The following UTP20 variants were observed in gnomAD, a reference collection of about 807,000 sequenced individuals.
The protein encoded by UTP20 is small subunit processome component 20 homolog.
A neutral mutation model predicts 329.5 loss-of-function variants in UTP20; 164 were observed. That is an observed-to-expected ratio of 0.50 (90% CI 0.44 to 0.57). The LOEUF is 0.57. Among genes scored for constraint, UTP20 ranks in the 20% least tolerant of loss-of-function variants. The pLI, the probability that UTP20 is intolerant of heterozygous loss-of-function variation, is 0.00. For synonymous variants in UTP20, 1,151 were observed against 1,159.3 expected (o/e 0.99, Z 0.14); for missense variants, 3,055 against 3,284.2 (o/e 0.93, Z 1.71).
At chr12:101,385,528 T>A in intron 60 of UTP20, 55 bp from the exon 61 acceptor site, 1 of 1,563,044 alleles carries the variant, frequency 6.4e-7, no homozygotes, top group Non-Finnish European at 8.6e-7. Flanking sequence ...TTTGTTGATG[T>A]TCAAATGTGT....
intron 26 of UTP20, among the ~76,000 whole-genome samples, chr12:101,327,601 T>G (rs1403302582): frequency 3.3e-5 from 5 of 152,240 alleles, no homozygotes; most frequent in African/African-American, 9.6e-5. Context: ...CTTAATTGTT[T>G]GGCATTTATT....
intron 12 of UTP20, among the ~76,000 whole-genome samples, chr12:101,298,743 TGTG>T (rs1051080337): frequency 6.6e-6 from 1 of 152,228 alleles, no homozygotes; most frequent in Non-Finnish European, 1.5e-5. Context: ...TATATCAAGA[TGTG>T]GTGACTTTAA....
chr12:101,372,787 T>C (rs1870336480), intron 51 of UTP20, 97 bp from the exon 52 acceptor site: 1 of 972,334 alleles, frequency 1.0e-6, no homozygotes, highest in East Asian at 2.5e-5. Flanking sequence ...TTCTGTAAAG[T>C]TTTTATAACC....
At position 101,285,772 on chromosome 12, in the gene UTP20, G is replaced by T. The variant is rs775873004; in HGVS notation, c.217G>T (p.Asp73Tyr). ...HFGKFYKEVI[D>Y]KCQSFNQLVY... ...AGGAAAATTTTACAAAGAAGTTATT[G>T]ACAAATGCCAATCATTCAATCAGTT... The change falls in exon 4 of 62, where the codon GAC becomes TAC. Residue 73 changes from aspartate to tyrosine, a missense_variant. By Grantham distance (160) the Asp-to-Tyr change is radical. Transcript: ENST00000261637. 6.2e-7 allele frequency: 1 copy of T among 1,613,356 alleles called. No homozygotes were observed. The highest frequency in any genetic ancestry group is 8.5e-7 in the Non-Finnish European group (1 of 1,179,800).
chr12:101,333,141 A>G lies in UTP20; in HGVS notation c.3418-160A>G, dbSNP rs545321245. Among the ~76,000 whole-genome samples, 11 of 152,374 alleles carry G rather than the reference A, an allele frequency of 7.2e-5. No homozygotes were observed. The East Asian group carries it at 1.9e-3, about 27-fold the overall frequency. On this transcript the variant is annotated intron_variant, in intron 27 of 61. Coordinates refer to ENST00000261637, the MANE Select transcript of UTP20 (RefSeq NM_014503.3). ...TCTTGTTCAATGAGAAAAGTAAGAC[A>G]GTTTGCTTGGTTGGTGTTCCCATGT...
In UTP20 at chr12:101,312,089, T is replaced by G; in HGVS notation, c.2365T>G (p.Trp789Gly). Residue 789 changes from tryptophan (W) to glycine (G), a missense_variant, in exon 21 of 62, where the codon TGG becomes GGG. Around this residue, in one of 3 missense-constraint regions of UTP20, gnomAD observed 2,445 missense variants for 2,575.5 expected, o/e 0.95. Coordinates refer to ENST00000261637, the MANE Select transcript of UTP20 (RefSeq NM_014503.3). ...TDEKSVGDES[W>G]EQTQEGDVGA... ...TGAGAAGTCCGTTGGAGATGAAAGT[T>G]GGGAGCAGACCCAGGAAGGAGATGT... 1 of 1,614,236 alleles carries G rather than the reference T, an allele frequency of 6.2e-7. No homozygotes were observed. The highest frequency in any genetic ancestry group is 8.5e-7 in the Non-Finnish European group (1 of 1,180,046).
intron 56 of UTP20, among the ~76,000 whole-genome samples, chr12:101,376,006 T>C (rs1870459411): frequency 6.6e-6 from 1 of 152,344 alleles, no homozygotes; most frequent in Non-Finnish European, 1.5e-5. Context: ...TAATTTCAGA[T>C]ATGTATCTCT....
At position 101,383,224 on chromosome 12, in the gene UTP20, G is replaced by C. The variant is rs148427016; in HGVS notation, c.7840G>C (p.Gly2614Arg). 1 of 1,614,032 alleles carries C rather than the reference G, an allele frequency of 6.2e-7. No homozygotes were observed. Among genetic ancestry groups the C allele is most frequent in the African/African-American group, 1.3e-5 (1 of 74,906 alleles). Reference protein sequence around the residue: ...EEKEEVKEELGRPATLLWLIQ... With the variant: ...EEKEEVKEELRRPATLLWLIQ... ...GAAGGAAGAGGTGAAGGAAGAGCTC[G>C]GCAGGCCGGCCACGCTGCTGTGGTT... The change falls in exon 59 of 62, where the codon GGC becomes CGC. Residue 2614 changes from glycine (G) to arginine (R), a missense_variant. By Grantham distance (125) the Gly-to-Arg change is moderately radical (BLOSUM62 -2). Coordinates refer to ENST00000261637, the MANE Select transcript of UTP20 (RefSeq NM_014503.3).
At chr12:101,334,598 C>A in intron 29 of UTP20, 94 bp downstream of exon 29, 1 of 1,038,198 alleles carries the variant, frequency 9.6e-7, no homozygotes, top group Non-Finnish European at 1.4e-6. Context: ...AATTTATGGT[C>A]TTTCCATACA....
rs1872733757 is a variant in UTP20, at chr12:101,309,898, G to A, written c.2231+59G>A. 1.8e-5 allele frequency: 27 copies of A among 1,467,158 alleles called. No homozygotes were observed. The South Asian group carries it at 2.9e-4, about 16-fold the overall frequency. 90.9% of individuals were successfully genotyped at this position (1,467,158 alleles called of 1,614,324 possible). A position where few individuals can be genotyped will look rare whatever the true frequency, so the allele number is the denominator to read the frequency against. ...ACTTTAACTACTGCAGAATGATGGG[G>A]CCCAGATTATTCTCCTTCTGGGTGT... On this transcript the variant is annotated intron_variant, in intron 19 of 61. Transcript: ENST00000261637.
intron 7 of UTP20, 28 bp from the exon 8 acceptor site, chr12:101,290,705 T>C: frequency 6.3e-7 from 1 of 1,583,416 alleles, no homozygotes; most frequent in Non-Finnish European, 8.5e-7. Context: ...AGTTTATATA[T>C]TAATGTTAAT....
intron 5 of UTP20, among the ~76,000 whole-genome samples, chr12:101,287,153 G>A (rs1871987265): frequency 1.3e-5 from 2 of 152,128 alleles, no homozygotes; most frequent in South Asian, 4.1e-4. Flanking sequence ...TTTAATATCA[G>A]TCATCAGCCC....
At chr12:101,369,969 T>G in intron 49 of UTP20, 78 bp downstream of exon 49, 1 of 1,419,886 alleles carries the variant, frequency 7.0e-7, no homozygotes, top group Non-Finnish European at 9.5e-7. Context: ...ATCCCAGCAC[T>G]TTGGGAGGCT....
At chr12:101,303,048 G>C (rs1872562532) in intron 15 of UTP20, among the ~76,000 whole-genome samples, 1 of 152,114 alleles carries the variant, frequency 6.6e-6, no homozygotes. Context: ...GATTTTGATA[G>C]CAGCACAGAG....
At position 101,299,805 on chromosome 12, in the gene UTP20, T is replaced by G; in HGVS notation, c.1554T>G (p.Ser518=). The change falls in exon 13 of 62, where the codon TCT becomes TCG. Residue 518 remains serine, a synonymous_variant. Transcript: ENST00000261637. ...AAGATACTACTTACCTTTCACAATC[T>G]TGGGCAGCCCTCGTGGTGTTACCTC... ...PNKDTTYLSQ[S]WAALVVLPHI... is the part of the protein sequence containing the mutation. 1 of 1,611,696 alleles carries G rather than the reference T, an allele frequency of 6.2e-7. No individual in the cohort carries two copies. The highest frequency in any genetic ancestry group is 1.1e-5 in the South Asian group (1 of 90,170).
intron 27 of UTP20, among the ~76,000 whole-genome samples, chr12:101,332,044 G>A (rs1295454897): frequency 2.6e-5 from 4 of 152,004 alleles, no homozygotes; most frequent in African/African-American, 9.7e-5. Context: ...TCCTCCTACT[G>A]AAATATCTTT....
Position 101,365,605 on chromosome 12 carries a change from CCT to C in UTP20, c.6106_6107del (p.Leu2036ValfsTer49). 1.3e-6 allele frequency: 2 copies of C among 1,570,060 alleles called. No homozygotes were observed. Among genetic ancestry groups the C allele is most frequent in the Non-Finnish European group, 1.7e-6 (2 of 1,164,744 alleles). On this transcript the variant is annotated frameshift_variant, in exon 46 of 62. Coordinates refer to ENST00000261637, the MANE Select transcript of UTP20 (RefSeq NM_014503.3). LOFTEE classifies it high-confidence loss of function. Reference sequence around the variant, plus strand: ...ATGGTTTGATCAGTGAAAATCTTCCCCTGTTAACAGAGAAAGAAAAGTAAGTT... The same window carrying C: ...ATGGTTTGATCAGTGAAAATCTTCCCGTTAACAGAGAAAGAAAAGTAAGTT... ...SYGLISENLPLLTEKEKNPVA... is the reference protein window; with the variant it reads ...SYGLISENLPXLTEKEKNPVA...
At chr12:101,329,549 CA>C in intron 27 of UTP20, 100 bp downstream of exon 27, 6 of 1,215,670 alleles carry the variant, frequency 4.9e-6, no homozygotes, top group Non-Finnish European at 6.8e-6. Context: ...TTCCAACTCT[CA>C]TTTCAAGTTT....
Position 101,319,599 on chromosome 12 carries a change from A to C in UTP20, c.2793A>C (p.Leu931Phe). 1.2e-6 allele frequency: 2 copies of C among 1,608,296 alleles called. No homozygotes were observed. The highest frequency in any genetic ancestry group is 2.2e-5 in the South Asian group (2 of 89,536). Residue 931 changes from leucine to phenylalanine, a missense_variant, in exon 23 of 62, where the codon TTA becomes TTC. By Grantham distance (22) the Leu-to-Phe change is conservative (BLOSUM62 0). This residue lies in a region of UTP20 where 2,445 missense variants were observed against 2,575.5 expected (regional missense o/e 0.95). Coordinates refer to ENST00000261637, the MANE Select transcript of UTP20 (RefSeq NM_014503.3). ...CTAAATTTTCAAATCCACGGGCCTT[A>C]TATCTGGAATCCAAACTATATGAGT... ...VFSKFSNPRA[L>F]YLESKLYELY...
Sources: gnomAD v4.1 joint callset for allele counts (sites outside exome capture counted in the v4.1 genomes callset) on GRCh38, gnomAD v4.1.1 for gene constraint, gnomAD v4.1.1 regional missense constraint, MANE v1.5 for transcripts, NCBI Gene and HGNC (gene_info 2026-07-23, HGNC 2026-07-21) for gene names.